Variants in FER1L6 observed in about 807,000 individuals in gnomAD.
The protein encoded by FER1L6 is fer-1-like protein 6.
In FER1L6, 177 loss-of-function variants were observed where a neutral mutation model predicts 219.2. The observed-to-expected ratio is 0.81, with a 90% confidence interval of 0.71 to 0.91. The LOEUF (loss-of-function observed/expected upper bound fraction) is 0.91, where lower values mean the gene tolerates loss of function less well. Among genes scored for constraint, FER1L6 ranks in the 40% least tolerant of loss-of-function variants. FER1L6 has a pLI of 0.00. For synonymous variants in FER1L6, 768 were observed against 824.3 expected (o/e 0.93, Z 1.17); for missense variants, 2,153 against 2,259.9 (o/e 0.95, Z 0.96).
rs535109133 is a variant in FER1L6, at chr8:124,057,049, C to CA, written c.2875-3124dup. On this transcript the variant is annotated intron_variant, in intron 22 of 40. Transcript: ENST00000522917. ...ACAGAGTGAGACTGTCTCAAAAAAACAAAAAAACAAAAACAAAAAACCTTC... is the reference window on the plus strand; with the variant it reads ...ACAGAGTGAGACTGTCTCAAAAAAACAAAAAAAACAAAAACAAAAAACCTTC... Among the ~76,000 whole-genome samples the CA allele has an allele frequency of 4.6e-5, 7 of 151,976 alleles. No homozygotes were observed. The South Asian group carries it at 1.3e-3, about 27-fold the overall frequency.
chr8:123,955,619 G>A (rs1174377786), intron 1 of FER1L6, among the ~76,000 whole-genome samples: 1 of 152,228 alleles, frequency 6.6e-6, no homozygotes, highest in East Asian at 1.9e-4. Context: ...CTCCTCATCT[G>A]TAAGGTGGGC....
At chr8:123,949,978 G>T (rs1199029760) in intron 1 of FER1L6, among the ~76,000 whole-genome samples, 1 of 152,218 alleles carries the variant, frequency 6.6e-6, no homozygotes, top group Non-Finnish European at 1.5e-5. Context: ...TGTTCCAAGT[G>T]CTGAGAAGTG....
chr8:123,882,211 C>T (rs1817122175), intron 1 of FER1L6, among the ~76,000 whole-genome samples: 1 of 151,770 alleles, frequency 6.6e-6, no homozygotes, highest in South Asian at 2.1e-4. Flanking sequence ...GTCCCTGATG[C>T]CCAAGAATAT....
In FER1L6 at chr8:123,865,240, G is replaced by A. The variant is rs527318034; in HGVS notation, c.-8+13055G>A. 1.8e-3 allele frequency among the ~76,000 whole-genome samples: 269 copies of A among 149,810 alleles called. 1 individual carries two copies. The highest frequency in any genetic ancestry group is 3.1e-3 in the Non-Finnish European group (213 of 67,890). On this transcript the variant is annotated intron_variant, in intron 1 of 40. Coordinates refer to ENST00000522917, the MANE Select transcript of FER1L6 (RefSeq NM_001039112.2). Reference sequence around the variant, plus strand: ...TGCAGGTCTGTTGGAATACCCTGCAGTGTGAGGTGTCAGTGTGCCCCTGCT... The same window carrying A: ...TGCAGGTCTGTTGGAATACCCTGCAATGTGAGGTGTCAGTGTGCCCCTGCT...
chr8:123,983,523 T>C (rs1816417791), intron 11 of FER1L6, among the ~76,000 whole-genome samples: 2 of 152,174 alleles, frequency 1.3e-5, no homozygotes, highest in Admixed American at 1.3e-4. Context: ...AAGTGGTAAG[T>C]GCTTTAAGGA....
At chr8:124,011,678 A>T (rs1237020692) in intron 14 of FER1L6, among the ~76,000 whole-genome samples, 4 of 146,084 alleles carry the variant, frequency 2.7e-5, no homozygotes, top group Admixed American at 6.8e-5. Context: ...TAGAGACAAG[A>T]TGTAACTATG....
intron 1 of FER1L6, among the ~76,000 whole-genome samples, chr8:123,865,679 C>G (rs1360603769): frequency 6.6e-6 from 1 of 151,240 alleles, no homozygotes. Flanking sequence ...GATATAGTCT[C>G]GTGGTGAGCC....
intron 13 of FER1L6, 128 bp from the exon 14 acceptor site, chr8:124,010,466 A>C: frequency 1.8e-6 from 2 of 1,081,550 alleles, no homozygotes; most frequent in Non-Finnish European, 2.7e-6. Context: ...GATGGTGTTA[A>C]AAGTTTGATA....
At chr8:124,040,548 T>C (rs1445182670) in intron 20 of FER1L6, 2 of 162,184 alleles carry the variant, frequency 1.2e-5, no homozygotes, top group Admixed American at 1.1e-4. Context: ...AGATGGGTTG[T>C]CTTAATCCAT....
intron 1 of FER1L6, among the ~76,000 whole-genome samples, chr8:123,890,270 A>G (rs1237247728): frequency 6.6e-6 from 1 of 152,110 alleles, no homozygotes; most frequent in Non-Finnish European, 1.5e-5. Flanking sequence ...ACTTACAGAC[A>G]TTAATTTGTA....
At chr8:123,915,868 G>C (rs1282527306) in intron 1 of FER1L6, among the ~76,000 whole-genome samples, 1 of 152,180 alleles carries the variant, frequency 6.6e-6, no homozygotes, top group Non-Finnish European at 1.5e-5. Flanking sequence ...GGTGAGGGAA[G>C]AATGTTCCAG....
At chr8:123,988,973 C>T (rs1259321946) in intron 12 of FER1L6, among the ~76,000 whole-genome samples, 1 of 151,902 alleles carries the variant, frequency 6.6e-6, no homozygotes, top group Non-Finnish European at 1.5e-5. Flanking sequence ...TGTCATATAT[C>T]GCTTTTATTG....
chr8:124,088,474 C>T (rs900320320), intron 33 of FER1L6, among the ~76,000 whole-genome samples: 2 of 152,028 alleles, frequency 1.3e-5, no homozygotes, highest in African/African-American at 4.8e-5. Flanking sequence ...CCCAGGAACC[C>T]ACTTGGTTCT....
intron 39 of FER1L6, among the ~76,000 whole-genome samples, chr8:124,106,725 T>G (rs899712456): frequency 6.6e-6 from 1 of 152,164 alleles, no homozygotes; most frequent in African/African-American, 2.4e-5. Flanking sequence ...CTTCCCTACA[T>G]GTATCTCTTG....
At position 124,097,869 on chromosome 8, in the gene FER1L6, TA is replaced by T. The variant is rs1471670709; in HGVS notation, c.4870del (p.Ile1624PhefsTer3). 3 of 1,572,630 alleles carry T rather than the reference TA, an allele frequency of 1.9e-6. No individual in the cohort carries two copies. The African/African-American group carries it at 4.0e-5, about 21-fold the overall frequency. On this transcript the variant is annotated frameshift_variant, in exon 37 of 41. Transcript: ENST00000522917. LOFTEE classifies it high-confidence loss of function. ...TCTTCACAGGCCAAAAATCAAGTGA[TA>T]TTTATGTGAAAGGGTAAGGTTATCA... is the stretch of plus-strand genomic sequence containing the variant. ...NIFTGQKSSD[I>X]YVKGWLKGLE...
intron 15 of FER1L6, among the ~76,000 whole-genome samples, chr8:124,014,124 G>A (rs187629863): frequency 2.5e-4 from 38 of 152,278 alleles, no homozygotes; most frequent in Non-Finnish European, 5.3e-4. Flanking sequence ...GTGCACAGGG[G>A]AGAATCACAG....
intron 1 of FER1L6, among the ~76,000 whole-genome samples, chr8:123,936,753 A>G (rs1339802953): frequency 6.6e-6 from 1 of 152,144 alleles, no homozygotes; most frequent in Non-Finnish European, 1.5e-5. Flanking sequence ...AAACTTTCTG[A>G]AGCAGTTCTC....
chr8:124,015,402 A>G (rs1202604856), intron 15 of FER1L6, among the ~76,000 whole-genome samples: 2 of 151,814 alleles, frequency 1.3e-5, no homozygotes, highest in East Asian at 3.9e-4. Context: ...AATGGAACTA[A>G]TGGAAAAGGA....
intron 1 of FER1L6, among the ~76,000 whole-genome samples, chr8:123,946,845 T>C (rs956452729): frequency 1.3e-5 from 2 of 152,190 alleles, no homozygotes; most frequent in African/African-American, 4.8e-5. Context: ...CTAGTCATTC[T>C]GCACAAAGAC....
Sources: gnomAD v4.1 joint callset for allele counts (sites outside exome capture counted in the v4.1 genomes callset) on GRCh38, gnomAD v4.1.1 for gene constraint, MANE v1.5 for transcripts, NCBI Gene and HGNC (gene_info 2026-07-23, HGNC 2026-07-21) for gene names.